Variants in MYO3B observed in about 807,000 individuals in gnomAD.
MYO3B encodes the protein myosin IIIB.
In MYO3B, 156 loss-of-function variants were observed where a neutral mutation model predicts 174.6. The observed-to-expected ratio is 0.89, with a 90% CI of 0.78 to 1.02. The LOEUF (loss-of-function observed/expected upper bound fraction) is 1.02, where lower values mean the gene tolerates loss of function less well. Among genes scored for constraint, MYO3B ranks in the 50% least tolerant of loss-of-function variants. MYO3B has a pLI of 0.00. For missense variants in MYO3B, 1,632 were observed against 1,639.4 expected (o/e 1.00, Z 0.08); for synonymous variants, 563 against 569.1 (o/e 0.99, Z 0.15).
At chr2:170,200,663 A>G (rs11675269) in intron 3 of MYO3B, among the ~76,000 whole-genome samples, 58,983 of 152,046 alleles carry the variant, frequency 0.39, 11,741 homozygotes, top group African/African-American at 0.47. Flanking sequence ...TTGCCCACTC[A>G]TGTTCATTAG....
chr2:170,300,595 A>G (rs73978321), intron 7 of MYO3B, among the ~76,000 whole-genome samples: 10,633 of 152,192 alleles, frequency 0.07, 1,229 homozygotes, highest in African/African-American at 0.24. Context: ...TATTATAGAT[A>G]CAAGGATACC....
chr2:170,201,549 G>C (rs751547492), intron 3 of MYO3B, among the ~76,000 whole-genome samples: 2 of 152,234 alleles, frequency 1.3e-5, no homozygotes, highest in Non-Finnish European at 2.9e-5. Flanking sequence ...ATTCAAATGG[G>C]ATAATCTGCA....
At chr2:170,191,977 G>A (rs1052328487) in intron 1 of MYO3B, among the ~76,000 whole-genome samples, 5 of 152,106 alleles carry the variant, frequency 3.3e-5, no homozygotes, top group East Asian at 1.9e-4. Flanking sequence ...CAGGTATTCC[G>A]AAGTGAGGTT....
chr2:170,588,646 A>C (rs985307902), intron 32 of MYO3B, among the ~76,000 whole-genome samples: 1 of 152,174 alleles, frequency 6.6e-6, no homozygotes, highest in East Asian at 1.9e-4. Flanking sequence ...CCCAACATCA[A>C]AGTGGCATTT....
chr2:170,521,070 A>G lies in MYO3B; in HGVS notation c.3575+1530A>G, dbSNP rs190971875. Among the ~76,000 whole-genome samples the G allele has an allele frequency of 4.5e-4, 69 of 152,338 alleles. 1 individual carries two copies. The highest frequency in any genetic ancestry group is 1.5e-3 in the African/African-American group (63 of 41,568). ...TTCTTTGCATCTTTTCACCTGGAAA[A>G]GAGAAAGTCTTAATTTACAATTTTA... On this transcript the variant is annotated intron_variant, in intron 30 of 34. Transcript: ENST00000408978.
At chr2:170,370,352 G>C (rs1022258169) in intron 9 of MYO3B, among the ~76,000 whole-genome samples, 2 of 152,160 alleles carry the variant, frequency 1.3e-5, no homozygotes, top group African/African-American at 4.8e-5. Context: ...AGCTGGAGGC[G>C]TAGTATCAAG....
chr2:170,368,945 A>G (rs1035758744), intron 8 of MYO3B, among the ~76,000 whole-genome samples: 4 of 152,150 alleles, frequency 2.6e-5, no homozygotes, highest in African/African-American at 9.7e-5. Flanking sequence ...CTATATTTTT[A>G]GTGTTTTGAG....
intron 29 of MYO3B, among the ~76,000 whole-genome samples, chr2:170,515,836 C>A (rs1688269657): frequency 6.6e-6 from 1 of 151,936 alleles, no homozygotes. Flanking sequence ...CAGTCTGTTT[C>A]AAGGAAATAC....
At chr2:170,234,182 A>C (rs1282345362) in intron 6 of MYO3B, among the ~76,000 whole-genome samples, 1 of 73,830 alleles carries the variant, frequency 1.4e-5, no homozygotes, top group African/African-American at 8.9e-5. Flanking sequence ...AAAAAAAAAA[A>C]AAAAACAAAA....
chr2:170,407,684 G>A, intron 21 of MYO3B, 31 bp from the exon 22 acceptor site: 6 of 1,608,120 alleles, frequency 3.7e-6, no homozygotes, highest in Non-Finnish European at 5.1e-6. Context: ...AGTTGACTTG[G>A]CTAATTTGCC....
At chr2:170,329,257 G>A (rs74171299) in intron 7 of MYO3B, among the ~76,000 whole-genome samples, 75,800 of 147,480 alleles carry the variant, frequency 0.51, 20,696 homozygotes, top group East Asian at 0.65. Context: ...GTGTGTGTGT[G>A]TGTATATATA....
chr2:170,416,986 C>G (rs1249175559), intron 22 of MYO3B, among the ~76,000 whole-genome samples: 1 of 152,096 alleles, frequency 6.6e-6, no homozygotes, highest in East Asian at 1.9e-4. Flanking sequence ...CCACCACACC[C>G]GACTAATTTT....
intron 25 of MYO3B, among the ~76,000 whole-genome samples, chr2:170,495,047 A>T (rs1686772788): frequency 6.6e-6 from 1 of 152,208 alleles, no homozygotes; most frequent in African/African-American, 2.4e-5. Context: ...TATAAAATCA[A>T]TTCTACTTAG....
intron 7 of MYO3B, among the ~76,000 whole-genome samples, chr2:170,329,261 A>G (rs75714864): frequency 0.091 from 13,158 of 144,236 alleles, 1,332 homozygotes; most frequent in African/African-American, 0.27. Flanking sequence ...GTGTGTGTGT[A>G]TATATATAAA....
intron 30 of MYO3B, among the ~76,000 whole-genome samples, chr2:170,534,332 C>T (rs1689548864): frequency 6.6e-6 from 1 of 152,182 alleles, no homozygotes; most frequent in South Asian, 2.1e-4. Flanking sequence ...ATGTGTGTGA[C>T]TCACTTTATT....
chr2:170,542,949 G>T lies in MYO3B; in HGVS notation c.3619G>T (p.Ala1207Ser). Residue 1207 changes from alanine (A) to serine (S), a missense_variant, in exon 31 of 35, where the codon GCA (alanine) becomes TCA (serine). Physicochemically the swap from Ala to Ser is moderately conservative, Grantham distance 99. Coordinates refer to ENST00000408978, the MANE Select transcript of MYO3B (RefSeq NM_138995.5). ...TTCTCCAAAAGGGTGCGATATCTTC[G>T]CAGGACATGCAAACAAGGTAGCTGG... ...QSSPKGCDIF[A>S]GHANKHSVSG... The T allele has an allele frequency of 6.2e-7, 1 of 1,609,348 alleles. No homozygotes were observed. Among genetic ancestry groups the T allele is most frequent in the Admixed American group, 1.7e-5 (1 of 59,730 alleles).
Position 170,649,021 on chromosome 2 carries a change from A to T in MYO3B, c.3734-2607A>T, listed in dbSNP as rs189171837. On this transcript the variant is annotated intron_variant, in intron 32 of 34. Coordinates refer to ENST00000408978, the MANE Select transcript of MYO3B (RefSeq NM_138995.5). Reference sequence around the variant, plus strand: ...TATATAAAATAATATATAATGTATAATATATAAAATAATATATAATGTATA... The same window carrying T: ...TATATAAAATAATATATAATGTATATTATATAAAATAATATATAATGTATA... Among the ~76,000 whole-genome samples, 140 of 52,576 alleles carry T rather than the reference A, an allele frequency of 2.7e-3. 1 individual carries two copies. The highest frequency in any genetic ancestry group is 3.6e-3 in the African/African-American group (44 of 12,376). 34.5% of individuals were successfully genotyped at this position (52,576 alleles called of 152,430 possible).
At chr2:170,211,934 T>C (rs1333789024) in intron 3 of MYO3B, among the ~76,000 whole-genome samples, 1 of 138,102 alleles carries the variant, frequency 7.2e-6, no homozygotes, top group Non-Finnish European at 1.6e-5. Flanking sequence ...CCTGGTAAAA[T>C]GTTTTCTTAA....
chr2:170,241,350 T>C (rs578113056), intron 7 of MYO3B, among the ~76,000 whole-genome samples: 14 of 152,324 alleles, frequency 9.2e-5, no homozygotes, highest in Non-Finnish European at 1.5e-4. Flanking sequence ...TTAGGCTTCC[T>C]CTAGAGCTTT....
Sources: allele counts gnomAD v4.1 joint callset (sites outside exome capture counted in the v4.1 genomes callset), GRCh38; gene constraint gnomAD v4.1.1; transcripts MANE v1.5; gene names NCBI Gene and HGNC (gene_info 2026-07-23, HGNC 2026-07-21).